Variants in DTNA observed in about 807,000 individuals in gnomAD.
The protein encoded by DTNA is dystrophin-related protein 3.
A neutral mutation model predicts 100.7 loss-of-function variants in DTNA; 43 were observed. That is an observed-to-expected ratio of 0.43 (90% CI 0.33 to 0.55). The LOEUF is 0.55. DTNA is among the 20% of genes least tolerant of loss of function. DTNA has a pLI of 0.04. For missense variants in DTNA, 798 were observed against 953.9 expected, an observed-to-expected ratio of 0.84 and a Z score of 2.15; for synonymous variants, 349 against 347.9, an observed-to-expected ratio of 1.00 and a Z score of -0.04.
Position 34,806,119 on chromosome 18 carries a change from A to G in DTNA, c.363-100A>G, listed in dbSNP as rs2095354027. 12 of 1,007,974 alleles carry G rather than the reference A, an allele frequency of 1.2e-5. No homozygotes were observed. In the South Asian group the frequency reaches 1.6e-4, roughly 14 times the overall value. The allele number at this position is 1,007,974 out of a possible 1,614,324, so 62.4% of individuals were successfully genotyped here. Reference sequence around the variant, plus strand: ...CAGCTATGTATCCTGTGATTTCTACAGAATAGAAAATGTCAAACCTTGTTG... The same window carrying G: ...CAGCTATGTATCCTGTGATTTCTACGGAATAGAAAATGTCAAACCTTGTTG... On this transcript the variant is annotated intron_variant, in intron 4 of 22. Coordinates refer to ENST00000444659, the MANE Select transcript of DTNA (RefSeq NM_001386795.1).
chr18:34,641,291 C>G (rs1450377042), intron 1 of DTNA, among the ~76,000 whole-genome samples: 1 of 152,122 alleles, frequency 6.6e-6, no homozygotes, highest in Non-Finnish European at 1.5e-5. Flanking sequence ...TGAATAATGT[C>G]TATGTACTGT....
chr18:34,711,337 C>CTGATGTT lies in DTNA; in HGVS notation c.-2+910_-2+916dup, dbSNP rs56383539. ...TTTAATTACTTTTTCATGGCTTTTACTGATGTTTGATGTTTGATGTTTGAC... is the reference window on the plus strand; with the variant it reads ...TTTAATTACTTTTTCATGGCTTTTACTGATGTTTGATGTTTGATGTTTGATGTTTGAC... On this transcript the variant is annotated intron_variant, in intron 1 of 22. Transcript: ENST00000444659. Among the ~76,000 whole-genome samples the CTGATGTT allele has an allele frequency of 2.0e-5, 3 of 152,022 alleles. No individual in the cohort carries two copies. In the South Asian group the frequency reaches 6.2e-4, roughly 32 times the overall value.
chr18:34,542,953 A>G (rs548985727), intron 1 of DTNA, among the ~76,000 whole-genome samples: 80 of 152,174 alleles, frequency 5.3e-4, no homozygotes, highest in African/African-American at 1.9e-3. Context: ...AAAGTCCAGC[A>G]TGGATCTCCA....
chr18:34,616,381 C>T (rs1465696048), intron 1 of DTNA, among the ~76,000 whole-genome samples: 2 of 152,170 alleles, frequency 1.3e-5, no homozygotes, highest in South Asian at 4.1e-4. Context: ...AACCAAAGAG[C>T]TTCTGCAGAG....
chr18:34,855,873 G>A (rs1246440421), intron 15 of DTNA, among the ~76,000 whole-genome samples: 1 of 152,156 alleles, frequency 6.6e-6, no homozygotes, highest in African/African-American at 2.4e-5. Context: ...TCGGGCATGG[G>A]GGTAACACAT....
intron 1 of DTNA, among the ~76,000 whole-genome samples, chr18:34,679,959 T>C (rs1263885082): frequency 6.6e-6 from 1 of 152,200 alleles, no homozygotes; most frequent in Non-Finnish European, 1.5e-5. Flanking sequence ...AAAATGTATT[T>C]AATATCAGTG....
At chr18:34,560,842 A>G (rs759462373) in intron 1 of DTNA, among the ~76,000 whole-genome samples, 66 of 152,320 alleles carry the variant, frequency 4.3e-4, no homozygotes, top group Non-Finnish European at 7.6e-4. Flanking sequence ...AAATCGCTTC[A>G]GCCCAAGATA....
rs981138710 is a variant in DTNA, at chr18:34,567,995, T to C, written c.-2+74481T>C. Among the ~76,000 whole-genome samples, 10 of 152,294 alleles carry C rather than the reference T, an allele frequency of 6.6e-5. 1 individual carries two copies. The Middle Eastern group carries it at 0.01, about 155-fold the overall frequency. ...ATTATGCGGTTTTCTTACATGAATATTGCTTTATGGAGAGAATGCTCTTTG... is the reference window on the plus strand; with the variant it reads ...ATTATGCGGTTTTCTTACATGAATACTGCTTTATGGAGAGAATGCTCTTTG... On this transcript the variant is annotated intron_variant, in intron 1 of 19. Transcript: ENST00000283365.
At chr18:34,819,816 A>T (rs978552434) in intron 8 of DTNA, among the ~76,000 whole-genome samples, 1 of 152,026 alleles carries the variant, frequency 6.6e-6, no homozygotes, top group African/African-American at 2.4e-5. Flanking sequence ...CAATGCTCTT[A>T]TTACTTAGCT....
chr18:34,857,259 A>G (rs2096563560), intron 15 of DTNA, among the ~76,000 whole-genome samples: 1 of 152,234 alleles, frequency 6.6e-6, no homozygotes, highest in Admixed American at 6.5e-5. Flanking sequence ...ATGGCTTACT[A>G]ATCATTAGCC....
intron 3 of DTNA, among the ~76,000 whole-genome samples, chr18:34,787,888 A>G (rs1382874727): frequency 5.3e-5 from 8 of 152,236 alleles, no homozygotes; most frequent in African/African-American, 1.4e-4. Flanking sequence ...CAACACTATT[A>G]TCGTTACTTT....
intron 16 of DTNA, among the ~76,000 whole-genome samples, chr18:34,861,622 C>G (rs571864960): frequency 6.6e-5 from 10 of 151,306 alleles, no homozygotes; most frequent in African/African-American, 2.2e-4. Context: ...AGGAAAATCA[C>G]TATTTAGTCT....
rs752828928 is a variant in DTNA at position 34,881,437 on chromosome 18, CTT to C, written c.2163-608_2163-607del. Among the ~76,000 whole-genome samples, 467 of 51,340 alleles carry C rather than the reference CTT, an allele frequency of 9.1e-3. 2 individuals carry two copies. The highest frequency in any genetic ancestry group is 0.037 in the African/African-American group (437 of 11,892). 33.7% of individuals were successfully genotyped at this position (51,340 alleles called of 152,430 possible). On this transcript the variant is annotated intron_variant, in intron 20 of 22. Transcript: ENST00000444659. Reference sequence around the variant, plus strand: ...ATAGTGGAATTGGATAATTAAAATGCTTTTTTTTTTTTTTTTTTTTTTTTTCA... The same window carrying C: ...ATAGTGGAATTGGATAATTAAAATGCTTTTTTTTTTTTTTTTTTTTTTTCA...
chr18:34,619,315 A>G (rs965708150), intron 1 of DTNA, among the ~76,000 whole-genome samples: 1 of 152,152 alleles, frequency 6.6e-6, no homozygotes, highest in Admixed American at 6.6e-5. Context: ...AGAATTATGA[A>G]CAGGCAATGG....
Position 34,851,905 on chromosome 18 carries a change from T to G in DTNA, c.1509T>G (p.Ile503Met). ...CGAATAAGCAGCAAAGGCAGCTGAT[T>G]GCTGAGCTAGAAAACAAGAACAGGT... ...IDANKQQRQL[I>M]AELENKNREI... Residue 503 changes from isoleucine (I) to methionine (M), a missense_variant, in exon 15 of 23, where the codon ATT (isoleucine) becomes ATG (methionine). This residue lies in a region of DTNA where 159 missense variants were observed against 201.2 expected (regional missense o/e 0.79). Transcript: ENST00000444659. The G allele has an allele frequency of 6.2e-7, 1 of 1,614,002 alleles. No homozygotes were observed. The highest frequency in any genetic ancestry group is 8.5e-7 in the Non-Finnish European group (1 of 1,179,892).
chr18:34,503,456 T>G (rs1050211445), intron 1 of DTNA, among the ~76,000 whole-genome samples: 4 of 151,446 alleles, frequency 2.6e-5, no homozygotes, highest in Non-Finnish European at 5.9e-5. Context: ...CCTGGCTAAT[T>G]TTTTGTATTT....
At chr18:34,821,011 C>A in intron 9 of DTNA, 96 bp downstream of exon 9, 1 of 1,555,884 alleles carries the variant, frequency 6.4e-7, no homozygotes. Flanking sequence ...GGTCAGCAAC[C>A]AAGATTTTTA....
At chr18:34,597,325 A>G (rs1423161720) in intron 1 of DTNA, among the ~76,000 whole-genome samples, 2 of 152,054 alleles carry the variant, frequency 1.3e-5, no homozygotes, top group Admixed American at 1.3e-4. Flanking sequence ...CTTGGCCTAT[A>G]TCCAGTACTA....
At chr18:34,763,534 A>G (rs1209230997) in intron 2 of DTNA, among the ~76,000 whole-genome samples, 1 of 152,240 alleles carries the variant, frequency 6.6e-6, no homozygotes, top group Non-Finnish European at 1.5e-5. Flanking sequence ...ATGATTTTTC[A>G]AAGCAGTTTT....
Sources: gnomAD v4.1 joint callset for allele counts (sites outside exome capture counted in the v4.1 genomes callset) on GRCh38, gnomAD v4.1.1 for gene constraint, gnomAD v4.1.1 regional missense constraint, MANE v1.5 for transcripts, NCBI Gene and HGNC (gene_info 2026-07-23, HGNC 2026-07-21) for gene names.